The following PRKD1 variants were observed in gnomAD, a reference collection of about 807,000 sequenced individuals.
PRKD1 encodes protein kinase D1.
In PRKD1, 63 loss-of-function variants were observed where a neutral mutation model predicts 95.9. The observed-to-expected ratio is 0.66, with a 90% CI of 0.54 to 0.81. PRKD1 has a LOEUF of 0.81. Among genes scored for constraint, PRKD1 ranks in the 30% least tolerant of loss-of-function variants. The pLI is 0.00. For synonymous variants in PRKD1, 425 were observed against 423.1 expected (o/e 1.00, Z -0.05); for missense variants, 1,048 against 1,165.3 (o/e 0.90, Z 1.47).
chr14:29,801,481 C>T (rs11628484), intron 1 of PRKD1, among the ~76,000 whole-genome samples: 2,994 of 152,256 alleles, frequency 0.02, 103 homozygotes, highest in Admixed American at 0.086. Flanking sequence ...TTGAGGCAAT[C>T]GCCTTGATCT....
intron 17 of PRKD1, among the ~76,000 whole-genome samples, chr14:29,577,948 T>G (rs192747515): frequency 6.6e-6 from 1 of 152,150 alleles, no homozygotes; most frequent in Admixed American, 6.6e-5. Flanking sequence ...GGATTACACA[T>G]ACAGATGCTT....
At chr14:29,807,041 A>T (rs34510700) in intron 1 of PRKD1, among the ~76,000 whole-genome samples, 22,425 of 151,876 alleles carry the variant, frequency 0.15, 1,961 homozygotes, top group South Asian at 0.21. Flanking sequence ...ACATGCCTCA[A>T]TGAAAAAAAA....
At chr14:29,706,615 C>A (rs1369054174) in intron 2 of PRKD1, among the ~76,000 whole-genome samples, 1 of 151,966 alleles carries the variant, frequency 6.6e-6, no homozygotes, top group East Asian at 1.9e-4. Flanking sequence ...GCACAAGGCA[C>A]CAGGGATAAT....
chr14:29,674,059 G>C (rs1032218820), intron 2 of PRKD1, among the ~76,000 whole-genome samples: 3 of 151,886 alleles, frequency 2.0e-5, no homozygotes, highest in Non-Finnish European at 1.5e-5. Context: ...ATACCGGTGG[G>C]AGCTGTCACA....
chr14:29,672,701 A>G (rs79876369), intron 2 of PRKD1, among the ~76,000 whole-genome samples: 3,353 of 152,208 alleles, frequency 0.022, 110 homozygotes, highest in African/African-American at 0.071. Context: ...AGATTTATTT[A>G]TAATAATTAT....
At chr14:29,889,848 G>A (rs1893876484) in intron 1 of PRKD1, among the ~76,000 whole-genome samples, 1 of 152,188 alleles carries the variant, frequency 6.6e-6, no homozygotes, top group Admixed American at 6.5e-5. Context: ...TAACAAACCT[G>A]CACGTTGTGC....
chr14:29,691,111 T>G (rs1158601854), intron 2 of PRKD1, among the ~76,000 whole-genome samples: 1 of 152,184 alleles, frequency 6.6e-6, no homozygotes, highest in Non-Finnish European at 1.5e-5. Flanking sequence ...TTCAATTATA[T>G]TAAGTTCCAA....
chr14:29,824,397 C>T (rs1891033163), intron 1 of PRKD1, among the ~76,000 whole-genome samples: 1 of 152,104 alleles, frequency 6.6e-6, no homozygotes, highest in African/African-American at 2.4e-5. Flanking sequence ...GTAAACTTAA[C>T]TTTTAACTTT....
chr14:29,715,861 C>A (rs1409448525), intron 2 of PRKD1, among the ~76,000 whole-genome samples: 1 of 152,030 alleles, frequency 6.6e-6, no homozygotes, highest in East Asian at 1.9e-4. Context: ...CCAAATAATC[C>A]AGAGTCAAAT....
intron 2 of PRKD1, among the ~76,000 whole-genome samples, chr14:29,704,939 G>T (rs569153356): frequency 3.9e-5 from 6 of 151,994 alleles, no homozygotes; most frequent in Non-Finnish European, 8.8e-5. Context: ...TGTGATATTT[G>T]TCCTATCAAG....
intron 1 of PRKD1, among the ~76,000 whole-genome samples, chr14:29,833,921 C>T (rs1453399967): frequency 6.6e-6 from 1 of 152,018 alleles, no homozygotes; most frequent in Non-Finnish European, 1.5e-5. Flanking sequence ...GAAAAGCTCT[C>T]AAGAGAGTAG....
At chr14:29,865,747 G>A (rs1351211664) in intron 1 of PRKD1, among the ~76,000 whole-genome samples, 1 of 152,132 alleles carries the variant, frequency 6.6e-6, no homozygotes, top group Non-Finnish European at 1.5e-5. Flanking sequence ...ACTAAGACAT[G>A]GTTGTTTTAG....
At chr14:29,700,775 C>G (rs904841783) in intron 2 of PRKD1, among the ~76,000 whole-genome samples, 9 of 152,150 alleles carry the variant, frequency 5.9e-5, no homozygotes, top group Non-Finnish European at 1.3e-4. Context: ...AGAAAAAAGA[C>G]TGACCTCCCC....
chr14:29,727,911 C>A (rs1021343227), intron 1 of PRKD1, among the ~76,000 whole-genome samples: 1 of 147,798 alleles, frequency 6.8e-6, no homozygotes, highest in Non-Finnish European at 1.5e-5. Context: ...ATCGCAAGAA[C>A]AAAAAACCAA....
intron 1 of PRKD1, among the ~76,000 whole-genome samples, chr14:29,830,590 T>A (rs1304871349): frequency 6.6e-6 from 1 of 152,206 alleles, no homozygotes; most frequent in Non-Finnish European, 1.5e-5. Flanking sequence ...AAAGTCTATC[T>A]TTTAATCAAT....
At chr14:29,844,830 C>T (rs1481010966) in intron 1 of PRKD1, among the ~76,000 whole-genome samples, 1 of 152,138 alleles carries the variant, frequency 6.6e-6, no homozygotes, top group African/African-American at 2.4e-5. Context: ...ATTCTGCCAC[C>T]ATGGTCCAAT....
At chr14:29,598,156 G>C (rs1424536837) in intron 15 of PRKD1, among the ~76,000 whole-genome samples, 2 of 151,824 alleles carry the variant, frequency 1.3e-5, no homozygotes, top group Non-Finnish European at 2.9e-5. Flanking sequence ...TGCAGCTATA[G>C]TCCCAGCTAT....
At position 29,826,836 on chromosome 14, in the gene PRKD1, T is replaced by C. The variant is rs1231813247; in HGVS notation, c.264+100413A>G. On this transcript the variant is annotated intron_variant, in intron 1 of 17. Transcript: ENST00000331968. ...ATACACATATATATATATATATATA[T>C]ATACACACATATATATATATATATA... Among the ~76,000 whole-genome samples the C allele has an allele frequency of 1.0e-3, 23 of 22,608 alleles. 2 individuals carry two copies. The highest frequency in any genetic ancestry group is 3.3e-3 in the African/African-American group (21 of 6,340). 14.8% of individuals were successfully genotyped at this position (22,608 alleles called of 152,430 possible).
Position 29,638,712 on chromosome 14 carries a change from G to A in PRKD1, c.889C>T (p.Gln297Ter). ...TCCTTACCTTTGCACTGCAAGCCCT[G>A]CCTGAAAAGCCCCTTCAGAAGCTTC... is the stretch of plus-strand genomic sequence containing the variant. ...CKKLLKGLFR[Q>*]GLQCKDCRFN... is the part of the protein sequence containing the mutation. The change falls in exon 5 of 18, where the codon CAG becomes TAG. Residue 297 changes from glutamine to a stop codon, truncating the protein, a stop_gained. Coordinates refer to ENST00000331968, the MANE Select transcript of PRKD1 (RefSeq NM_002742.3). LOFTEE classifies it high-confidence loss of function. 1 of 1,614,108 alleles carries A rather than the reference G, an allele frequency of 6.2e-7. No homozygotes were observed. Among genetic ancestry groups the A allele is most frequent in the Non-Finnish European group, 8.5e-7 (1 of 1,180,016 alleles).
Sources: gnomAD v4.1 joint callset for allele counts (sites outside exome capture counted in the v4.1 genomes callset) on GRCh38, gnomAD v4.1.1 for gene constraint, MANE v1.5 for transcripts, NCBI Gene and HGNC (gene_info 2026-07-23, HGNC 2026-07-21) for gene names.